Variants in STAM observed in about 807,000 individuals in gnomAD.
STAM encodes signal transducing adapter molecule 1.
A neutral mutation model predicts 63.4 loss-of-function variants in STAM; 16 were observed. That is an observed-to-expected ratio of 0.25 (90% CI 0.17 to 0.38). STAM has a LOEUF of 0.38. Among genes scored for constraint, STAM ranks in the 10% least tolerant of loss-of-function variants. The probability of loss-of-function intolerance (pLI) is 1.00; values close to 1 mark genes in which losing one functional copy is unlikely to be tolerated. For missense variants in STAM, 636 were observed against 657.1 expected (o/e 0.97, Z 0.35); for synonymous variants, 238 against 223.9 (o/e 1.06, Z -0.56).
intron 5 of STAM, among the ~76,000 whole-genome samples, chr10:17,689,076 T>A (rs1172781588): frequency 6.6e-6 from 1 of 152,226 alleles, no homozygotes; most frequent in African/African-American, 2.4e-5. Context: ...TTTGCTCTCC[T>A]GTCCACCCTT....
intron 1 of STAM, among the ~76,000 whole-genome samples, chr10:17,647,657 C>G (rs1462272930): frequency 6.6e-6 from 1 of 152,066 alleles, no homozygotes; most frequent in Non-Finnish European, 1.5e-5. Context: ...TCTCAGTTTC[C>G]TTATCTTTAA....
At chr10:17,648,990 T>C (rs1356630860) in intron 1 of STAM, among the ~76,000 whole-genome samples, 1 of 152,196 alleles carries the variant, frequency 6.6e-6, no homozygotes, top group Non-Finnish European at 1.5e-5. Flanking sequence ...TATATGGTAC[T>C]CTTTGCCTGG....
chr10:17,709,428 T>G (rs1338050660), intron 13 of STAM, among the ~76,000 whole-genome samples: 1 of 152,190 alleles, frequency 6.6e-6, no homozygotes, highest in Non-Finnish European at 1.5e-5. Flanking sequence ...GTACCCCATT[T>G]GAAACAAGAA....
In STAM at chr10:17,695,261, T is replaced by A; in HGVS notation, c.728+20T>A. 1 of 1,603,450 alleles carries A rather than the reference T, an allele frequency of 6.2e-7. No individual in the cohort carries two copies. The highest frequency in any genetic ancestry group is 8.5e-7 in the Non-Finnish European group (1 of 1,173,062). Reference sequence around the variant, plus strand: ...TGACAGGTAATGTTAATATTACATTTAAAATTTGTATGAAAGTGTGTATGG... The same window carrying A: ...TGACAGGTAATGTTAATATTACATTAAAAATTTGTATGAAAGTGTGTATGG... On this transcript the variant is annotated intron_variant, in intron 7 of 13. Transcript: ENST00000377524.
At position 17,715,285 on chromosome 10, in the gene STAM, C is replaced by G. The variant is rs1217775648; in HGVS notation, c.*505C>G. 1.8e-5 allele frequency: 3 copies of G among 162,590 alleles called. No individual in the cohort carries two copies. The highest frequency in any genetic ancestry group is 4.1e-5 in the Non-Finnish European group (3 of 73,310). The allele number at this position is 162,590 out of a possible 1,614,324, so 10.1% of individuals were successfully genotyped here. A position where few individuals can be genotyped will look rare whatever the true frequency, so the allele number is the denominator to read the frequency against. On this transcript the variant is annotated 3_prime_UTR_variant, in exon 14 of 14. Transcript: ENST00000377524. Reference sequence around the variant, plus strand: ...GTAATTATACTATCCTTTTAAACTTCAAGAAAACAAAGTTGTTAGCGTATT... The same window carrying G: ...GTAATTATACTATCCTTTTAAACTTGAAGAAAACAAAGTTGTTAGCGTATT...
chr10:17,682,166 T>C (rs1554825459), intron 2 of STAM, among the ~76,000 whole-genome samples: 1 of 152,224 alleles, frequency 6.6e-6, no homozygotes, highest in East Asian at 1.9e-4. Context: ...TTCCACCTTA[T>C]GCAAGTACTA....
In STAM at chr10:17,680,168, G is replaced by C. The variant is rs980599678; in HGVS notation, c.126-4507G>C. Reference sequence around the variant, plus strand: ...CTCGTTTCTTAAGGTATAATCTTAGGTTATTGATTTGAGATCTTTTTCCCC... The same window carrying C: ...CTCGTTTCTTAAGGTATAATCTTAGCTTATTGATTTGAGATCTTTTTCCCC... On this transcript the variant is annotated intron_variant, in intron 2 of 13. Transcript: ENST00000377524. Among the ~76,000 whole-genome samples the C allele has an allele frequency of 5.3e-5, 8 of 151,950 alleles. No individual in the cohort carries two copies. In the South Asian group the frequency reaches 6.2e-4, roughly 12 times the overall value.
intron 1 of STAM, among the ~76,000 whole-genome samples, chr10:17,652,129 G>C (rs1246920564): frequency 6.6e-6 from 1 of 152,078 alleles, no homozygotes; most frequent in Non-Finnish European, 1.5e-5. Flanking sequence ...AAGCAAGTCT[G>C]TTATTTTTGT....
chr10:17,685,652 C>CT (rs1337215530), intron 4 of STAM, among the ~76,000 whole-genome samples: 1 of 152,174 alleles, frequency 6.6e-6, no homozygotes, highest in Non-Finnish European at 1.5e-5. Flanking sequence ...ACCTGAACAA[C>CT]TTTATCAGTG....
chr10:17,683,912 A>G (rs1157562194), intron 2 of STAM, among the ~76,000 whole-genome samples: 2 of 152,008 alleles, frequency 1.3e-5, no homozygotes, highest in Admixed American at 1.3e-4. Context: ...GGAGTATTGG[A>G]CTTTATTTTT....
At chr10:17,665,572 G>T (rs139303969) in intron 2 of STAM, among the ~76,000 whole-genome samples, 1 of 151,848 alleles carries the variant, frequency 6.6e-6, no homozygotes, top group Admixed American at 6.6e-5. Flanking sequence ...GTCAGTCTTA[G>T]AAATGTATTT....
Position 17,716,133 on chromosome 10 carries a change from A to G in STAM, c.*1353A>G, listed in dbSNP as rs1296116904. Among the ~76,000 whole-genome samples, 6 of 148,698 alleles carry G rather than the reference A, an allele frequency of 4.0e-5. No homozygotes were observed. The highest frequency in any genetic ancestry group is 9.2e-5 in the Non-Finnish European group (6 of 65,546). ...ACGATTTCCCTGGTTGGGCTATACTATTATTTTAGCACTATTTAAACAACG... is the reference window on the plus strand; with the variant it reads ...ACGATTTCCCTGGTTGGGCTATACTGTTATTTTAGCACTATTTAAACAACG... On this transcript the variant is annotated 3_prime_UTR_variant, in exon 14 of 14. Coordinates refer to ENST00000377524, the MANE Select transcript of STAM (RefSeq NM_003473.4).
At chr10:17,677,439 T>C (rs1554824774) in intron 2 of STAM, among the ~76,000 whole-genome samples, 1 of 152,226 alleles carries the variant, frequency 6.6e-6, no homozygotes, top group Non-Finnish European at 1.5e-5. Context: ...AGTATTCAAA[T>C]AATTCTTTAT....
rs782454144 is a variant in STAM, at chr10:17,714,656, A to G, written c.1499A>G (p.Asn500Ser). ...ACTGCCGATGTCACTCTGTACCAGA[A>G]TGCAGGACCTAATATGCCCCAGGTG... is the stretch of plus-strand genomic sequence containing the variant. ...AATADVTLYQ[N>S]AGPNMPQVPN... Residue 500 changes from asparagine (N) to serine (S), a missense_variant, in exon 14 of 14, where the codon AAT (asparagine) becomes AGT (serine). Around this residue, in one of 3 missense-constraint regions of STAM, gnomAD observed 532 missense variants for 536.9 expected, o/e 0.99. Transcript: ENST00000377524. The G allele has an allele frequency of 3.1e-6, 5 of 1,614,046 alleles. No individual in the cohort carries two copies. The Admixed American group carries it at 6.7e-5, about 22-fold the overall frequency.
At position 17,716,743 on chromosome 10, in the gene STAM, C is replaced by T. The variant is rs1836831704; in HGVS notation, c.*1963C>T. On this transcript the variant is annotated 3_prime_UTR_variant, in exon 14 of 14. Transcript: ENST00000377524. ...AAGTAACAGTGAATAGAAAAAACTA[C>T]CCTTATTACAACCCATATACATTTT... 1.3e-5 allele frequency among the ~76,000 whole-genome samples: 2 copies of T among 152,114 alleles called. No homozygotes were observed.
chr10:17,677,559 C>A (rs1483922769), intron 2 of STAM, among the ~76,000 whole-genome samples: 1 of 152,072 alleles, frequency 6.6e-6, no homozygotes, highest in African/African-American at 2.4e-5. Context: ...TAAAATAAGT[C>A]CAACTGTGAA....
intron 13 of STAM, among the ~76,000 whole-genome samples, chr10:17,710,569 T>C (rs1836511384): frequency 6.6e-6 from 1 of 152,240 alleles, no homozygotes; most frequent in African/African-American, 2.4e-5. Flanking sequence ...ACATCTTCCT[T>C]GCTTTTCCAC....
rs574539226 is a variant in STAM at position 17,667,383 on chromosome 10, A to T, written c.125+6835A>T. Among the ~76,000 whole-genome samples the T allele has an allele frequency of 2.2e-4, 33 of 152,228 alleles. No individual in the cohort carries two copies. In the East Asian group the frequency reaches 6.4e-3, roughly 29 times the overall value. ...GTGATCTGCCCTCCTCAGCCTCCCA[A>T]AGTGCTGGTATTACAGGCGTGAGCC... On this transcript the variant is annotated intron_variant, in intron 2 of 13. Coordinates refer to ENST00000377524, the MANE Select transcript of STAM (RefSeq NM_003473.4).
At chr10:17,669,880 T>TTTTC (rs1257940994) in intron 2 of STAM, among the ~76,000 whole-genome samples, 38 of 131,842 alleles carry the variant, frequency 2.9e-4, no homozygotes, top group Non-Finnish European at 5.7e-4. Flanking sequence ...AATTCTTTTC[T>TTTTC]TTTCTTTTTT....
Sources: allele counts gnomAD v4.1 joint callset (sites outside exome capture counted in the v4.1 genomes callset), GRCh38; gene constraint gnomAD v4.1.1; regional missense constraint gnomAD v4.1.1; transcripts MANE v1.5; gene names NCBI Gene and HGNC (gene_info 2026-07-23, HGNC 2026-07-21).